MYO18B: variants seen among roughly 807,000 people sequenced by gnomAD.
MYO18B encodes unconventional myosin-XVIIIb.
Under a neutral mutation model 273.0 loss-of-function variants are expected in MYO18B, and 204 were observed. That is an observed-to-expected ratio of 0.75 (90% CI 0.67 to 0.84). The LOEUF (loss-of-function observed/expected upper bound fraction) is 0.84. MYO18B is among the 40% of genes least tolerant of loss of function. The pLI is 0.00. For synonymous variants in MYO18B, 1,330 were observed against 1,305.7 expected, an observed-to-expected ratio of 1.02 and a Z score of -0.40; for missense variants, 3,212 against 3,287.6, an observed-to-expected ratio of 0.98 and a Z score of 0.56.
intron 27 of MYO18B, 140 bp downstream of exon 27, chr22:25,891,552 C>A: frequency 1.6e-6 from 1 of 626,686 alleles, no homozygotes; most frequent in Non-Finnish European, 2.9e-6. Flanking sequence ...ACAGGCACAG[C>A]GTACTCTCTT....
At chr22:25,793,422 A>G (rs2087765560) in intron 11 of MYO18B, among the ~76,000 whole-genome samples, 1 of 152,120 alleles carries the variant, frequency 6.6e-6, no homozygotes, top group African/African-American at 2.4e-5. Context: ...TTTTTTATAG[A>G]TACGAGAGGT....
chr22:25,890,925 G>A (rs754359308), intron 26 of MYO18B, 50 bp downstream of exon 26: 14 of 1,591,106 alleles, frequency 8.8e-6, no homozygotes, highest in East Asian at 6.8e-5. Flanking sequence ...GGCTAAAAAT[G>A]GTTGGGTCTG....
At chr22:26,047,350 T>C in the MYO18B span, among the ~76,000 whole-genome samples, 1 of 152,076 alleles carries the variant, frequency 6.6e-6, no homozygotes, top group African/African-American at 2.4e-5. Context: ...ATGGTCTCAA[T>C]CTCCTGACCT....
intron 11 of MYO18B, among the ~76,000 whole-genome samples, chr22:25,793,249 G>A (rs1000081719): frequency 6.6e-6 from 1 of 152,074 alleles, no homozygotes; most frequent in African/African-American, 2.4e-5. Flanking sequence ...TATGTATTTT[G>A]TTTGAGACAG....
rs1190353597 is a variant in MYO18B, at chr22:26,026,465, A to G, written c.6491A>G (p.Asp2164Gly). 1 of 1,612,622 alleles carries G rather than the reference A, an allele frequency of 6.2e-7. No individual in the cohort carries two copies. Among genetic ancestry groups the G allele is most frequent in the South Asian group, 1.1e-5 (1 of 91,028 alleles). Residue 2164 changes from aspartate (D) to glycine (G), a missense_variant, in exon 43 of 44, where the codon GAC (aspartate) becomes GGC (glycine). Transcript: ENST00000335473. ...CACAGGATAAACGAAGAGGCTGGGG[A>G]CACTGAGAGGACCCAGTCGGCATTG... is the stretch of plus-strand genomic sequence containing the variant. The part of the protein sequence containing the change: ...LSPRINEEAG[D>G]TERTQSALAL...
At chr22:26,056,370 G>T in the MYO18B span, among the ~76,000 whole-genome samples, 1 of 152,178 alleles carries the variant, frequency 6.6e-6, no homozygotes, top group Non-Finnish European at 1.5e-5. Flanking sequence ...CAGAAGAAAA[G>T]GTTGGAAGCT....
At chr22:25,773,588 C>T (rs545065061) in intron 7 of MYO18B, among the ~76,000 whole-genome samples, 7 of 152,128 alleles carry the variant, frequency 4.6e-5, no homozygotes, top group Non-Finnish European at 7.4e-5. Context: ...CTCAGCCCCC[C>T]GAGTAGCTGG....
At chr22:25,935,381 GC>G (rs1409875415) in intron 34 of MYO18B, among the ~76,000 whole-genome samples, 1 of 152,172 alleles carries the variant, frequency 6.6e-6, no homozygotes, top group Non-Finnish European at 1.5e-5. Flanking sequence ...CCTTAGGCAT[GC>G]CCTCCTGAGG....
intron 39 of MYO18B, among the ~76,000 whole-genome samples, chr22:25,960,076 G>A (rs1394552904): frequency 1.3e-5 from 2 of 152,110 alleles, no homozygotes; most frequent in African/African-American, 2.4e-5. Context: ...TATACCCCCA[G>A]CTGACTCTCT....
chr22:26,017,849 C>A (rs1384306454), intron 42 of MYO18B, among the ~76,000 whole-genome samples: 2 of 152,004 alleles, frequency 1.3e-5, no homozygotes, highest in Non-Finnish European at 2.9e-5. Flanking sequence ...TAGAGAGCTC[C>A]CATATATCCT....
At chr22:25,832,868 C>T in intron 15 of MYO18B, 49 bp from the exon 16 acceptor site, 1 of 1,497,636 alleles carries the variant, frequency 6.7e-7, no homozygotes, top group Non-Finnish European at 9.3e-7. Context: ...GTTTTCTTCC[C>T]CCTTCAGCTC....
rs1569311442 is a variant in MYO18B at position 26,027,623 on chromosome 22, CG to C, written c.7653del (p.Arg2552GlyfsTer9). Reference sequence around the variant, plus strand: ...TCCCCCGAGCGGAGAGAGCCAGGGACGGGGAGGAAAGACGACGATGTTGCGA... The same window carrying C: ...TCCCCCGAGCGGAGAGAGCCAGGGACGGGAGGAAAGACGACGATGTTGCGA... Reference protein sequence around the residue: ...RTSPERREPGTGRKDDDVASI... With the variant: ...RTSPERREPGXGRKDDDVASI... On this transcript the variant is annotated frameshift_variant, in exon 43 of 44. Coordinates refer to ENST00000335473, the MANE Select transcript of MYO18B (RefSeq NM_032608.7). LOFTEE classifies it low-confidence loss of function (END_TRUNC). This position sits in a 1 kb window ranked among gnomAD's most constrained non-coding sequence, Gnocchi z 4.1. 6.2e-7 allele frequency: 1 copy of C among 1,613,704 alleles called. No homozygotes were observed. Among genetic ancestry groups the C allele is most frequent in the Admixed American group, 1.7e-5 (1 of 59,998 alleles).
chr22:25,769,552 A>T, intron 4 of MYO18B, 124 bp downstream of exon 4: 3 of 898,736 alleles, frequency 3.3e-6, no homozygotes, highest in South Asian at 1.9e-5. Context: ...GGAATTGGAG[A>T]GGGGTGGCTG....
chr22:25,907,288 T>C (rs2092063642), intron 31 of MYO18B, among the ~76,000 whole-genome samples: 1 of 152,256 alleles, frequency 6.6e-6, no homozygotes, highest in South Asian at 2.1e-4. Flanking sequence ...TCTAGAACCC[T>C]TTATACGACT....
chr22:25,774,573 G>T (rs899319662), intron 7 of MYO18B, among the ~76,000 whole-genome samples: 1 of 152,208 alleles, frequency 6.6e-6, no homozygotes, highest in Non-Finnish European at 1.5e-5. Flanking sequence ...CCTAACCCTG[G>T]GGTGGGGTGC....
chr22:26,039,111 T>TC, the MYO18B span, among the ~76,000 whole-genome samples: 1 of 152,114 alleles, frequency 6.6e-6, no homozygotes, highest in African/African-American at 2.4e-5. Flanking sequence ...TTCCATCTTC[T>TC]CCTGCCTGCT....
chr22:26,036,369 G>T, the MYO18B span, among the ~76,000 whole-genome samples: 1 of 152,182 alleles, frequency 6.6e-6, no homozygotes, highest in Non-Finnish European at 1.5e-5. Context: ...ATTCCTGTGT[G>T]TCTGTGAGGA....
At chr22:25,918,146 A>G (rs1843624539) in intron 33 of MYO18B, among the ~76,000 whole-genome samples, 2 of 152,088 alleles carry the variant, frequency 1.3e-5, no homozygotes, top group Non-Finnish European at 2.9e-5. Context: ...TCTTTTTTTC[A>G]TAGTGTTCTC....
chr22:25,820,389 G>A (rs1306771874), intron 12 of MYO18B, among the ~76,000 whole-genome samples: 2 of 152,120 alleles, frequency 1.3e-5, no homozygotes, highest in African/African-American at 4.8e-5. Context: ...CCATAAGCCA[G>A]ATTGGTTCTT....
Sources: allele counts gnomAD v4.1 joint callset (sites outside exome capture counted in the v4.1 genomes callset), GRCh38; gene constraint gnomAD v4.1.1; non-coding constraint Gnocchi (gnomAD v3.1); transcripts MANE v1.5; gene names NCBI Gene and HGNC (gene_info 2026-07-23, HGNC 2026-07-21).